The following KCNH1 variants were observed in gnomAD, a reference collection of about 807,000 sequenced individuals.
KCNH1 encodes voltage-gated delayed rectifier potassium channel KCNH1.
Under a neutral mutation model 69.2 loss-of-function variants are expected in KCNH1, and 27 were observed. That is an observed-to-expected ratio of 0.39 (90% CI 0.29 to 0.54). The LOEUF (loss-of-function observed/expected upper bound fraction) is 0.54. Ranked by LOEUF, KCNH1 falls within the 20% of genes least tolerant of loss-of-function variation. KCNH1 has a pLI of 0.68. For missense variants in KCNH1, 798 were observed against 1,261.6 expected, an observed-to-expected ratio of 0.63 and a Z score of 5.57; for synonymous variants, 456 against 487.7, an observed-to-expected ratio of 0.93 and a Z score of 0.86.
At chr1:211,047,588 TCA>T (rs1050484364) in intron 5 of KCNH1, among the ~76,000 whole-genome samples, 1 of 152,210 alleles carries the variant, frequency 6.6e-6, no homozygotes, top group African/African-American at 2.4e-5. Flanking sequence ...TCTCCATGCC[TCA>T]GTTTCCTCAC....
intron 7 of KCNH1, among the ~76,000 whole-genome samples, chr1:210,909,516 A>G (rs982658664): frequency 2.6e-5 from 4 of 152,242 alleles, no homozygotes; most frequent in Non-Finnish European, 4.4e-5. Context: ...ACCTTCATTT[A>G]TGCCATTTAA....
At chr1:210,692,954 C>T (rs1448728893) in intron 10 of KCNH1, among the ~76,000 whole-genome samples, 1 of 152,158 alleles carries the variant, frequency 6.6e-6, no homozygotes, top group Non-Finnish European at 1.5e-5. Flanking sequence ...TCTGCTTCAC[C>T]ACTTCCTCCT....
chr1:210,696,029 G>T (rs1484435269), intron 10 of KCNH1, among the ~76,000 whole-genome samples: 2 of 152,208 alleles, frequency 1.3e-5, no homozygotes, highest in Non-Finnish European at 2.9e-5. Flanking sequence ...CCACTCTCCA[G>T]CAGTTTCTCT....
chr1:210,774,390 C>T (rs906553433), intron 10 of KCNH1, among the ~76,000 whole-genome samples: 2 of 152,114 alleles, frequency 1.3e-5, no homozygotes, highest in African/African-American at 2.4e-5. Flanking sequence ...TAGAGTTGAG[C>T]GCTTAGGCAG....
At chr1:210,704,538 T>C (rs1025417270) in intron 10 of KCNH1, among the ~76,000 whole-genome samples, 15 of 152,186 alleles carry the variant, frequency 9.9e-5, no homozygotes, top group Non-Finnish European at 2.2e-4. Flanking sequence ...AAAATTGACA[T>C]TTGTTCCTAC....
At chr1:210,722,606 C>T (rs1451022957) in intron 10 of KCNH1, among the ~76,000 whole-genome samples, 1 of 152,108 alleles carries the variant, frequency 6.6e-6, no homozygotes, top group Non-Finnish European at 1.5e-5. Context: ...TTGCTGTTAT[C>T]CCTCATCATA....
chr1:210,981,372 C>CAAGA (rs1688706187), intron 6 of KCNH1, among the ~76,000 whole-genome samples: 1 of 85,498 alleles, frequency 1.2e-5, no homozygotes, highest in African/African-American at 4.8e-5. Context: ...GTAACAACGA[C>CAAGA]AAAAAAAAAA....
chr1:210,859,621 T>C (rs1685930890), intron 7 of KCNH1: 1 of 1,354,758 alleles, frequency 7.4e-7, no homozygotes, highest in Non-Finnish European at 1.1e-6. Flanking sequence ...TTCAGCTTCA[T>C]CATCATCACT....
intron 7 of KCNH1, among the ~76,000 whole-genome samples, chr1:210,876,341 A>T (rs1558507382): frequency 6.6e-6 from 1 of 152,136 alleles, no homozygotes; most frequent in African/African-American, 2.4e-5. Flanking sequence ...CCAAACCTGA[A>T]TCCTTCCATC....
intron 7 of KCNH1, among the ~76,000 whole-genome samples, chr1:210,847,004 GA>G: frequency 6.6e-6 from 1 of 152,218 alleles, no homozygotes; most frequent in Non-Finnish European, 1.5e-5. Context: ...GGCCATCAGA[GA>G]AATGCAAATC....
intron 10 of KCNH1, among the ~76,000 whole-genome samples, chr1:210,690,748 C>A (rs1681511552): frequency 6.6e-6 from 1 of 152,208 alleles, no homozygotes; most frequent in South Asian, 2.1e-4. Context: ...GGCCCTGAGC[C>A]TCGAGGAGGG....
At chr1:211,092,099 G>A (rs1378546367) in intron 3 of KCNH1, among the ~76,000 whole-genome samples, 5 of 152,082 alleles carry the variant, frequency 3.3e-5, no homozygotes, top group East Asian at 1.9e-4. Context: ...ATTTCCCCAC[G>A]CTAAGTAATA....
At chr1:211,082,596 A>G (rs556362625) in intron 5 of KCNH1, among the ~76,000 whole-genome samples, 184 bp downstream of exon 5, 1 of 152,330 alleles carries the variant, frequency 6.6e-6, no homozygotes, top group Admixed American at 6.5e-5. Context: ...GGGAAAGTGT[A>G]AAGCTCAAAG....
chr1:211,132,871 C>CAGGTGCGCAG (rs1405112446), intron 1 of KCNH1: 2 of 152,166 alleles, frequency 1.3e-5, no homozygotes. Flanking sequence ...TTGATGAACT[C>CAGGTGCGCAG]GTGCGCTGCG....
intron 6 of KCNH1, among the ~76,000 whole-genome samples, chr1:210,980,068 T>C (rs561429239): frequency 6.6e-6 from 1 of 152,360 alleles, no homozygotes; most frequent in Non-Finnish European, 1.5e-5. Context: ...GGCATTTAGA[T>C]TAAATATGCT....
At chr1:210,766,412 C>G (rs111291813) in intron 10 of KCNH1, among the ~76,000 whole-genome samples, 10,470 of 152,086 alleles carry the variant, frequency 0.069, 1,180 homozygotes, top group African/African-American at 0.24. Flanking sequence ...GTAATTCCAG[C>G]TACTCAGAAG....
At chr1:210,976,373 A>G (rs11119644) in intron 6 of KCNH1, among the ~76,000 whole-genome samples, 7 of 145,756 alleles carry the variant, frequency 4.8e-5, no homozygotes, top group South Asian at 2.2e-4. Context: ...ATGATAGACT[A>G]GATTAAGAAA....
rs377709480 is a variant in KCNH1 at position 211,117,301 on chromosome 1, C to T, written c.80-9924G>A. Among the ~76,000 whole-genome samples the T allele has an allele frequency of 1.6e-4, 25 of 152,204 alleles. 2 individuals are homozygous for T. The highest frequency in any genetic ancestry group is 1.0e-3 in the Admixed American group (16 of 15,292). On this transcript the variant is annotated intron_variant, in intron 1 of 10. Coordinates refer to ENST00000271751, the MANE Select transcript of KCNH1 (RefSeq NM_172362.3). The stretch of plus-strand genomic sequence containing the variant: ...TATTGGTAGCCCCCAATAAGCCCTG[C>T]CTCCTTGCATTCACGCCTTGTGTAG...
At chr1:210,880,579 A>G (rs959250460) in intron 7 of KCNH1, among the ~76,000 whole-genome samples, 2 of 152,194 alleles carry the variant, frequency 1.3e-5, no homozygotes, top group African/African-American at 2.4e-5. Context: ...TCTGACAAAA[A>G]TTAACTCAAA....
Sources: allele counts gnomAD v4.1 joint callset (sites outside exome capture counted in the v4.1 genomes callset), GRCh38; gene constraint gnomAD v4.1.1; transcripts MANE v1.5; gene names NCBI Gene and HGNC (gene_info 2026-07-23, HGNC 2026-07-21).